TJP1: variants seen among roughly 807,000 people sequenced by gnomAD.
The protein encoded by TJP1 is tight junction protein 1.
A neutral mutation model predicts 194.2 loss-of-function variants in TJP1; 43 were observed. That is an observed-to-expected ratio of 0.22 (90% confidence interval 0.17 to 0.29). TJP1 has a LOEUF of 0.29. TJP1 is among the 10% of genes least tolerant of loss of function. TJP1 has a pLI of 1.00. For synonymous variants in TJP1, 801 were observed against 779.0 expected, an observed-to-expected ratio of 1.03 and a Z score of -0.47; for missense variants, 1,971 against 2,185.7, an observed-to-expected ratio of 0.90 and a Z score of 1.96.
chr15:29,802,830 A>T (rs1299287012), intron 1 of TJP1, among the ~76,000 whole-genome samples: 1 of 152,126 alleles, frequency 6.6e-6, no homozygotes, highest in African/African-American at 2.4e-5. Context: ...CTGCCTTTTT[A>T]ATCTTTTTCC....
chr15:29,908,106 A>G (rs964504864), intron 2 of TJP1, among the ~76,000 whole-genome samples: 1 of 145,894 alleles, frequency 6.9e-6, no homozygotes, highest in Non-Finnish European at 1.5e-5. Flanking sequence ...AAGGAAAGAT[A>G]AAGAGGGAGG....
chr15:29,861,316 C>T (rs2052072185), intron 2 of TJP1, among the ~76,000 whole-genome samples: 1 of 152,172 alleles, frequency 6.6e-6, no homozygotes, highest in Non-Finnish European at 1.5e-5. Flanking sequence ...CTTACTATTG[C>T]TCTTCTTTTT....
intron 27 of TJP1, among the ~76,000 whole-genome samples, chr15:29,703,929 C>T (rs1209818055): frequency 3.9e-5 from 6 of 152,156 alleles, no homozygotes; most frequent in Admixed American, 3.3e-4. Context: ...AGGCATGAGC[C>T]ACGGCGCCCG....
chr15:29,759,864 T>C (rs765344958), intron 8 of TJP1: 2 of 238,490 alleles, frequency 8.4e-6, no homozygotes, highest in Non-Finnish European at 1.6e-5. Context: ...TCCATTCATG[T>C]GTTCGACATT....
At chr15:29,726,724 T>C (rs2043260227) in intron 17 of TJP1, 57 bp downstream of exon 17, 5 of 1,516,406 alleles carry the variant, frequency 3.3e-6, no homozygotes, top group South Asian at 1.2e-5. Flanking sequence ...CATTTTGGCC[T>C]ACTTAATGTT....
Position 29,822,238 on chromosome 15 carries a change from G to A in TJP1, c.-210C>T. On this transcript the variant is annotated 5_prime_UTR_variant, in exon 1 of 28. Coordinates refer to ENST00000614355, the MANE Select transcript of TJP1 (RefSeq NM_001330239.4). The stretch of plus-strand genomic sequence containing the variant: ...CCCGCCCCGCCCGGGTCTTCTCCAC[G>A]GGGCGCGCCCGACCGGCACCTCCCT... 1.7e-6 allele frequency: 2 copies of A among 1,175,096 alleles called. No individual in the cohort carries two copies. The highest frequency in any genetic ancestry group is 2.1e-6 in the Non-Finnish European group (2 of 951,356). 72.8% of individuals were successfully genotyped at this position (1,175,096 alleles called of 1,614,324 possible).
intron 2 of TJP1, among the ~76,000 whole-genome samples, chr15:29,837,597 A>G (rs1211248286): frequency 1.3e-5 from 2 of 152,228 alleles, no homozygotes; most frequent in African/African-American, 4.8e-5. Flanking sequence ...TTTGTTATTT[A>G]AATTTTGTAG....
intron 2 of TJP1, among the ~76,000 whole-genome samples, chr15:29,912,776 G>T (rs998896336): frequency 4.8e-5 from 7 of 145,368 alleles, no homozygotes; most frequent in Admixed American, 2.1e-4. Flanking sequence ...TCTGAATTTT[G>T]ATTGTGGTGG....
At chr15:29,879,131 T>C (rs1290437413) in intron 2 of TJP1, among the ~76,000 whole-genome samples, 3 of 151,752 alleles carry the variant, frequency 2.0e-5, no homozygotes, top group African/African-American at 7.3e-5. Flanking sequence ...CTCAAAAAAA[T>C]AATAATAAAA....
At chr15:29,753,685 A>G (rs1449959490) in intron 8 of TJP1, among the ~76,000 whole-genome samples, 2 of 152,008 alleles carry the variant, frequency 1.3e-5, no homozygotes, top group Non-Finnish European at 2.9e-5. Flanking sequence ...AACTATGCAC[A>G]TTGGTCACGG....
intron 2 of TJP1, among the ~76,000 whole-genome samples, chr15:29,876,940 C>T (rs1037894758): frequency 6.6e-6 from 1 of 152,134 alleles, no homozygotes; most frequent in African/African-American, 2.4e-5. Flanking sequence ...TATGAGAACA[C>T]AGTGAAGCAA....
rs866546365 is a variant in TJP1 at position 29,732,780 on chromosome 15, G to A, written c.1772C>T (p.Pro591Leu). ...EQLASVQYTL[P>L]KTAGGDRADF... ...AGCACGGTCTCCGCCTGCTGTTTTT[G>A]GAAGTGTATACTGTACACTGGCTAG... The change falls in exon 14 of 28, where the codon CCA becomes CTA. Residue 591 changes from proline to leucine, a missense_variant. Around this residue, in one of 5 missense-constraint regions of TJP1, gnomAD observed 402 missense variants for 484.2 expected, o/e 0.83. Transcript: ENST00000614355. The A allele has an allele frequency of 6.2e-7, 1 of 1,613,592 alleles. No individual in the cohort carries two copies. Among genetic ancestry groups the A allele is most frequent in the African/African-American group, 1.3e-5 (1 of 74,860 alleles).
At chr15:29,876,038 T>C (rs2052686523) in intron 2 of TJP1, among the ~76,000 whole-genome samples, 1 of 152,198 alleles carries the variant, frequency 6.6e-6, no homozygotes, top group Admixed American at 6.5e-5. Flanking sequence ...AATCTGCTCT[T>C]CAGACACACA....
chr15:29,823,814 G>A (rs1293353529), upstream of TJP1: 1 of 152,162 alleles, frequency 6.6e-6, no homozygotes, highest in Non-Finnish European at 1.5e-5. Flanking sequence ...TGGGCCAGGC[G>A]TGGTGGCTCA....
chr15:29,771,262 A>G (rs1354284003), intron 4 of TJP1, among the ~76,000 whole-genome samples: 1 of 152,212 alleles, frequency 6.6e-6, no homozygotes, highest in Non-Finnish European at 1.5e-5. Context: ...AGCCTACTAC[A>G]CATCTAGGCT....
chr15:29,700,279 A>C lies in TJP1; in HGVS notation c.*1316T>G. ...TATTATCTAAACAGAAATCGTGCTG[A>C]TGTGCCATAATAAATTGTCTATTAG... On this transcript the variant is annotated 3_prime_UTR_variant, in exon 28 of 28. Coordinates refer to ENST00000614355, the MANE Select transcript of TJP1 (RefSeq NM_001330239.4). 2.5e-6 allele frequency: 1 copy of C among 399,002 alleles called. No homozygotes were observed. The highest frequency in any genetic ancestry group is 4.4e-6 in the Non-Finnish European group (1 of 226,040). The allele number at this position is 399,002 out of a possible 1,614,324, so 24.7% of individuals were successfully genotyped here.
At chr15:29,860,604 C>T (rs1405995131) in intron 2 of TJP1, among the ~76,000 whole-genome samples, 1 of 152,064 alleles carries the variant, frequency 6.6e-6, no homozygotes, top group East Asian at 1.9e-4. Context: ...TGTATTAATA[C>T]TTCATTACTT....
intron 2 of TJP1, among the ~76,000 whole-genome samples, chr15:29,885,528 TGGCAG>T (rs1252311123): frequency 6.6e-6 from 1 of 152,262 alleles, no homozygotes; most frequent in Non-Finnish European, 1.5e-5. Context: ...CCATGCCATG[TGGCAG>T]TACAGTTAGC....
At chr15:29,822,905 CGTT>C, upstream of TJP1, 1 of 152,352 alleles carries the variant, frequency 6.6e-6, no homozygotes, top group Non-Finnish European at 1.5e-5. Flanking sequence ...CGTGCCTCGG[CGTT>C]GTTCCCACGG....
Sources: allele counts gnomAD v4.1 joint callset (sites outside exome capture counted in the v4.1 genomes callset), GRCh38; gene constraint gnomAD v4.1.1; regional missense constraint gnomAD v4.1.1; transcripts MANE v1.5; gene names NCBI Gene and HGNC (gene_info 2026-07-23, HGNC 2026-07-21).